The following PDXDC1 variants were observed in gnomAD, a reference collection of about 807,000 sequenced individuals.
The protein encoded by PDXDC1 is pyridoxal-dependent decarboxylase domain-containing protein 1.
A neutral mutation model predicts 100.1 loss-of-function variants in PDXDC1; 42 were observed. That is an observed-to-expected ratio of 0.42 (90% CI 0.33 to 0.54). PDXDC1 has a LOEUF of 0.54. Among genes scored for constraint, PDXDC1 ranks in the 20% least tolerant of loss-of-function variants. The pLI is 0.10. For synonymous variants in PDXDC1, 260 were observed against 371.7 expected, an observed-to-expected ratio of 0.70 and a Z score of 3.46; for missense variants, 636 against 979.2, an observed-to-expected ratio of 0.65 and a Z score of 4.68.
At chr16:15,034,763 ACC>A (rs2043297848) in intron 21 of PDXDC1, among the ~76,000 whole-genome samples, 1 of 152,058 alleles carries the variant, frequency 6.6e-6, no homozygotes, top group South Asian at 2.1e-4. Flanking sequence ...GGAAGCAGCT[ACC>A]CACTCTCCAC....
intron 16 of PDXDC1, chr16:15,060,557 A>T (rs1347327779): frequency 6.5e-6 from 1 of 153,800 alleles, no homozygotes. Flanking sequence ...CCATTTTCAC[A>T]AGTAAACAAA....
intron 12 of PDXDC1, among the ~76,000 whole-genome samples, chr16:15,021,434 C>G (rs1292761176): frequency 1.3e-5 from 2 of 152,260 alleles, no homozygotes; most frequent in Non-Finnish European, 2.9e-5. Flanking sequence ...TACAAAAGCA[C>G]TGCATTTTTT....
At position 15,118,619 on chromosome 16, in the gene PDXDC1, T is replaced by G. The variant is rs796734727; in HGVS notation, c.1400-20260T>G. ...CATACGATAGAACTATAAAGCAGAATAGTTTAGAAAGACTTTCTCATTTAA... is the reference window on the plus strand; with the variant it reads ...CATACGATAGAACTATAAAGCAGAAGAGTTTAGAAAGACTTTCTCATTTAA... On this transcript the variant is annotated intron_variant, in intron 16 of 16. Coordinates refer to the PDXDC1 transcript ENST00000535621. 5.5e-3 allele frequency among the ~76,000 whole-genome samples: 829 copies of G among 149,414 alleles called. 6 individuals carry two copies. The highest frequency in any genetic ancestry group is 0.016 in the African/African-American group (643 of 40,012).
At chr16:15,142,007 C>T (rs559851680), downstream of PDXDC1, among the ~76,000 whole-genome samples, 2 of 152,244 alleles carry the variant, frequency 1.3e-5, no homozygotes, top group South Asian at 2.1e-4. Flanking sequence ...GCAGAGGCCA[C>T]GGTGAACACA....
At chr16:15,045,360 G>C (rs527953807) in intron 16 of PDXDC1, 1 of 152,116 alleles carries the variant, frequency 6.6e-6, no homozygotes, top group Non-Finnish European at 1.5e-5. Context: ...CCGGCTACTC[G>C]GGAGGCTGAG....
At chr16:15,079,028 T>C (rs1012173047) in intron 16 of PDXDC1, among the ~76,000 whole-genome samples, 99 of 152,238 alleles carry the variant, frequency 6.5e-4, no homozygotes, top group African/African-American at 2.3e-3. Context: ...GCCAGGATGG[T>C]CTCGATCTCC....
chr16:15,086,011 C>A, intron 16 of PDXDC1: 2 of 697,180 alleles, frequency 2.9e-6, no homozygotes, highest in Non-Finnish European at 4.9e-6. Context: ...GTCTACCAGA[C>A]CTGGTGCCAA....
rs1207224588 is a variant in PDXDC1 at position 15,119,479 on chromosome 16, T to C, written c.1400-19400T>C. 6.1e-5 allele frequency among the ~76,000 whole-genome samples: 9 copies of C among 148,648 alleles called. No individual in the cohort carries two copies. The East Asian group carries it at 1.2e-3, about 20-fold the overall frequency. On this transcript the variant is annotated intron_variant, in intron 16 of 16. Coordinates refer to the PDXDC1 transcript ENST00000535621. ...AGTCGCCCAGGCTGGAGTGCAGTGG[T>C]GCAATCTCGGCTCGCTGCAACCTCC...
intron 15 of PDXDC1, 95 bp downstream of exon 15, chr16:15,029,061 G>C (rs1214184081): frequency 7.1e-6 from 10 of 1,400,550 alleles, no homozygotes; most frequent in African/African-American, 1.4e-5. Flanking sequence ...TATGGGAACT[G>C]AGGCCCACAG....
intron 16 of PDXDC1, among the ~76,000 whole-genome samples, chr16:15,090,514 A>G (rs1258507413): frequency 4.6e-5 from 7 of 152,230 alleles, no homozygotes; most frequent in African/African-American, 1.4e-4. Flanking sequence ...AGAAAGGATC[A>G]TTTGAGGCCA....
At chr16:15,136,123 T>C (rs1451365798) in intron 16 of PDXDC1, 1 of 1,532,682 alleles carries the variant, frequency 6.5e-7, no homozygotes, top group African/African-American at 1.4e-5. Flanking sequence ...GATCCACACG[T>C]CTAGGCTCCT....
At chr16:15,043,798 A>C (rs2043931573) in intron 16 of PDXDC1, among the ~76,000 whole-genome samples, 1 of 152,062 alleles carries the variant, frequency 6.6e-6, no homozygotes, top group African/African-American at 2.4e-5. Flanking sequence ...AAATACAAAA[A>C]TTAGGTGGGT....
In PDXDC1 at chr16:15,032,890, G is replaced by T; in HGVS notation, c.1601G>T (p.Ser534Ile). 6.2e-7 allele frequency: 1 copy of T among 1,608,818 alleles called. No homozygotes were observed. The highest frequency in any genetic ancestry group is 8.5e-7 in the Non-Finnish European group (1 of 1,175,092). The change falls in exon 18 of 23, where the codon AGT becomes ATT. Residue 534 changes from serine (S) to isoleucine (I), a missense_variant. Ser to Ile is a moderately radical substitution (Grantham distance 142, BLOSUM62 -2). Coordinates refer to ENST00000396410, the MANE Select transcript of PDXDC1 (RefSeq NM_015027.4). Reference protein sequence around the residue: ...RYEHANDDKSSLKSDPEGENI... With the variant: ...RYEHANDDKSILKSDPEGENI... ...GAACATGCTAATGATGATAAGAGCA[G>T]TTTGAAATCAGATCCCGAAGGGGAA...
chr16:15,063,335 C>G (rs1414888281), intron 16 of PDXDC1: 1 of 1,381,948 alleles, frequency 7.2e-7, no homozygotes, highest in Admixed American at 1.7e-5. Flanking sequence ...CGGCAGAAGT[C>G]AAAATTGGTT....
intron 14 of PDXDC1, among the ~76,000 whole-genome samples, chr16:15,028,465 TGACAGAAAC>T (rs2042794645): frequency 6.6e-6 from 1 of 152,304 alleles, no homozygotes; most frequent in South Asian, 2.1e-4. Context: ...AGCTCCAAGA[TGACAGAAAC>T]CTTACCTGCC....
downstream of PDXDC1, chr16:15,040,125 C>T (rs1469663344): frequency 2.1e-6 from 2 of 935,398 alleles, no homozygotes; most frequent in Non-Finnish European, 3.5e-6. Flanking sequence ...AAAGTCTGCA[C>T]AGTCTTACAT....
At position 15,031,908 on chromosome 16, in the gene PDXDC1, T is replaced by TA. The variant is rs1250005993; in HGVS notation, c.1571+5dup. Reference sequence around the variant, plus strand: ...CTGGTCTGGAATAGGGGTTGTCAGGTAAAGTCTTGGCCTGCCGCTTGATGT... The same window carrying TA: ...CTGGTCTGGAATAGGGGTTGTCAGGTAAAAGTCTTGGCCTGCCGCTTGATGT... On this transcript the variant is annotated splice_region_variant and intron_variant, in intron 17 of 22. Coordinates refer to ENST00000396410, the MANE Select transcript of PDXDC1 (RefSeq NM_015027.4). 1 of 1,599,488 alleles carries TA rather than the reference T, an allele frequency of 6.3e-7. No individual in the cohort carries two copies. Among genetic ancestry groups the TA allele is most frequent in the Non-Finnish European group, 8.5e-7 (1 of 1,171,342 alleles).
chr16:15,064,618 A>G (rs1277733080), intron 16 of PDXDC1, among the ~76,000 whole-genome samples: 2 of 152,212 alleles, frequency 1.3e-5, no homozygotes, highest in Non-Finnish European at 2.9e-5. Context: ...TTAACCTTAC[A>G]TGTTTAAATA....
chr16:15,088,313 A>T (rs2045988398), intron 16 of PDXDC1, among the ~76,000 whole-genome samples: 3 of 152,076 alleles, frequency 2.0e-5, no homozygotes, highest in Non-Finnish European at 4.4e-5. Context: ...TCATCTCCAG[A>T]AAAATTAGCC....
Sources: gnomAD v4.1 joint callset for allele counts (sites outside exome capture counted in the v4.1 genomes callset) on GRCh38, gnomAD v4.1.1 for gene constraint, MANE v1.5 for transcripts, NCBI Gene and HGNC (gene_info 2026-07-23, HGNC 2026-07-21) for gene names.